The following ABCB4 variants were observed in gnomAD, a reference collection of about 807,000 sequenced individuals.
The protein encoded by ABCB4 is ATP binding cassette subfamily B member 4, also known as phosphatidylcholine translocator ABCB4.
Under a neutral mutation model 145.7 loss-of-function variants are expected in ABCB4, and 76 were observed. That is an observed-to-expected ratio of 0.52 (90% CI 0.43 to 0.63). The LOEUF is 0.63. Ranked by LOEUF, ABCB4 falls within the 30% of genes least tolerant of loss-of-function variation. The probability of loss-of-function intolerance (pLI) is 0.00; values close to 1 mark genes in which losing one functional copy is unlikely to be tolerated. For missense variants in ABCB4, 1,234 were observed against 1,553.1 expected, an observed-to-expected ratio of 0.79 and a Z score of 3.45; for synonymous variants, 517 against 566.8, an observed-to-expected ratio of 0.91 and a Z score of 1.25.
chr7:87,437,130 G>T (rs543143171), intron 14 of ABCB4, among the ~76,000 whole-genome samples: 4 of 152,156 alleles, frequency 2.6e-5, no homozygotes, highest in Non-Finnish European at 4.4e-5. Context: ...CCATTAAGAG[G>T]CACAGTCTGT....
the ABCB4 span, among the ~76,000 whole-genome samples, chr7:87,379,822 A>G: frequency 3.3e-5 from 5 of 152,228 alleles, no homozygotes; most frequent in African/African-American, 1.2e-4. Context: ...AGTGAAATAC[A>G]TATGCTGTAG....
At chr7:87,418,504 T>G (rs748506394) in intron 20 of ABCB4, 33 bp downstream of exon 20, 18 of 1,599,278 alleles carry the variant, frequency 1.1e-5, no homozygotes, top group Non-Finnish European at 1.5e-5. Flanking sequence ...CCATGTTATG[T>G]AAAAAACTAC....
At chr7:87,418,146 G>T (rs1180461158) in intron 20 of ABCB4, among the ~76,000 whole-genome samples, 1 of 152,238 alleles carries the variant, frequency 6.6e-6, no homozygotes, top group Non-Finnish European at 1.5e-5. Flanking sequence ...GTGGTTCAGG[G>T]TGGGGCATGT....
the ABCB4 span, chr7:87,375,726 G>T: frequency 6.2e-7 from 1 of 1,613,272 alleles, no homozygotes; most frequent in South Asian, 1.1e-5. Context: ...ATGGGCTAAG[G>T]TTCTGATTTA....
At chr7:87,432,099 A>T (rs1562969406) in intron 14 of ABCB4, among the ~76,000 whole-genome samples, 1 of 152,230 alleles carries the variant, frequency 6.6e-6, no homozygotes, top group Non-Finnish European at 1.5e-5. Context: ...CATCCAAAGC[A>T]TAATCTCTAG....
chr7:87,398,856 G>A, downstream of ABCB4: 1 of 538,034 alleles, frequency 1.9e-6, no homozygotes, highest in Non-Finnish European at 3.3e-6. Flanking sequence ...CTCTGATGCA[G>A]CAGCAATGCA....
At chr7:87,385,531 T>C in the ABCB4 span, among the ~76,000 whole-genome samples, 10 of 152,234 alleles carry the variant, frequency 6.6e-5, no homozygotes, top group Admixed American at 6.5e-4. Flanking sequence ...GATTTTAATA[T>C]GTTGATTTTA....
At chr7:87,431,237 C>T (rs1387314374) in intron 15 of ABCB4, among the ~76,000 whole-genome samples, 167 bp downstream of exon 15, 1 of 152,192 alleles carries the variant, frequency 6.6e-6, no homozygotes, top group African/African-American at 2.4e-5. Context: ...ATTTTCTCAC[C>T]TGCTACCTCT....
chr7:87,401,515 C>T (rs1407741070), downstream of ABCB4, among the ~76,000 whole-genome samples: 3 of 152,226 alleles, frequency 2.0e-5, no homozygotes, highest in East Asian at 5.8e-4. Context: ...GAGTTTAAAA[C>T]TTTAAAAAAA....
chr7:87,407,609 G>A (rs1474190281), intron 25 of ABCB4, among the ~76,000 whole-genome samples: 1 of 152,188 alleles, frequency 6.6e-6, no homozygotes, highest in African/African-American at 2.4e-5. Context: ...GAGGATCAAA[G>A]TCAAAGTTCG....
the ABCB4 span, among the ~76,000 whole-genome samples, chr7:87,391,990 A>C: frequency 3.9e-5 from 6 of 152,186 alleles, no homozygotes; most frequent in Non-Finnish European, 5.9e-5. Context: ...CTTTAGAACA[A>C]CACCAACAAA....
chr7:87,365,944 C>T, the ABCB4 span, among the ~76,000 whole-genome samples: 1 of 151,992 alleles, frequency 6.6e-6, no homozygotes, highest in Non-Finnish European at 1.5e-5. Context: ...CCCTAGGAGA[C>T]CATTAAGACT....
intron 14 of ABCB4, among the ~76,000 whole-genome samples, chr7:87,431,848 A>T (rs1810261432): frequency 6.6e-6 from 1 of 152,158 alleles, no homozygotes; most frequent in East Asian, 1.9e-4. Context: ...TAAGGGTTTG[A>T]TCCTTCTTCA....
chr7:87,453,085 T>C lies in ABCB4; in HGVS notation c.395A>G (p.Tyr132Cys). 1 of 1,614,132 alleles carries C rather than the reference T, an allele frequency of 6.2e-7. No individual in the cohort carries two copies. Among genetic ancestry groups the C allele is most frequent in the Non-Finnish European group, 8.5e-7 (1 of 1,180,024 alleles). Residue 132 changes from tyrosine (Y) to cysteine (C), a missense_variant, in exon 6 of 28, where the codon TAT becomes TGT. Transcript: ENST00000649586. ...GLGAGVLVAA[Y>C]IQVSFWTLAA... The stretch of plus-strand genomic sequence containing the variant: ...CAAAGTCCAAAATGAAACTTGTATA[T>C]AGGCAGCAACAAGAACTCCAGCACC...
Position 87,411,963 on chromosome 7 carries a change from A to G in ABCB4, c.2854T>C (p.Tyr952His), listed in dbSNP as rs754722032. 2.5e-6 allele frequency: 4 copies of G among 1,613,874 alleles called. No individual in the cohort carries two copies. The highest frequency in any genetic ancestry group is 3.4e-6 in the Non-Finnish European group (4 of 1,179,876). Residue 952 changes from tyrosine (Y) to histidine (H), a missense_variant, in exon 23 of 28, where the codon TAT becomes CAT. By Grantham distance (83) the Tyr-to-His change is moderately conservative (BLOSUM62 2). Transcript: ENST00000649586. Reference protein sequence around the residue: ...SISQAFMYFSYAGCFRFGAYL... With the variant: ...SISQAFMYFSHAGCFRFGAYL... ...GCACCAAATCGAAAACAACCGGCAT[A>G]GGAAAAATACATAAATGCTTGTGAG...
chr7:87,452,757 T>C, intron 6 of ABCB4, 187 bp downstream of exon 6: 1 of 686,456 alleles, frequency 1.5e-6, no homozygotes, highest in Non-Finnish European at 2.5e-6. Flanking sequence ...ACTATGCACC[T>C]TGGGGGAAAG....
the ABCB4 span, chr7:87,377,434 T>G: frequency 6.2e-7 from 1 of 1,602,226 alleles, no homozygotes; most frequent in East Asian, 2.2e-5. Flanking sequence ...AATGGAGTAT[T>G]TGGCTGTAAT....
chr7:87,368,820 G>A, the ABCB4 span, among the ~76,000 whole-genome samples: 2 of 152,134 alleles, frequency 1.3e-5, no homozygotes, highest in African/African-American at 2.4e-5. Context: ...GGGAGTTAAG[G>A]TGTGCCAAAG....
the ABCB4 span, chr7:87,392,648 C>T: frequency 1.2e-6 from 2 of 1,612,198 alleles, no homozygotes; most frequent in Non-Finnish European, 1.7e-6. Context: ...GGAAAAGGTA[C>T]TTAAGTTAAA....
Sources: allele counts gnomAD v4.1 joint callset (sites outside exome capture counted in the v4.1 genomes callset), GRCh38; gene constraint gnomAD v4.1.1; transcripts MANE v1.5; gene names NCBI Gene and HGNC (gene_info 2026-07-23, HGNC 2026-07-21).